The following SLC7A7 variants were observed in gnomAD, a reference collection of about 807,000 sequenced individuals.
SLC7A7 encodes the protein Y+L amino acid transporter 1.
In SLC7A7, 39 loss-of-function variants were observed where a neutral mutation model predicts 47.9. The ratio of observed to expected loss-of-function variants is 0.81; its 90% CI spans 0.63 to 1.06. The LOEUF is 1.06. Among genes scored for constraint, SLC7A7 ranks in the 50% least tolerant of loss-of-function variants. The probability of loss-of-function intolerance (pLI) is 0.00; values close to 1 mark genes in which losing one functional copy is unlikely to be tolerated. For synonymous variants in SLC7A7, 234 were observed against 242.8 expected (o/e 0.96, Z 0.34); for missense variants, 588 against 632.0 (o/e 0.93, Z 0.75).
At chr14:22,812,244 G>A (rs985652924) in intron 2 of SLC7A7, among the ~76,000 whole-genome samples, 17 of 151,752 alleles carry the variant, frequency 1.1e-4, no homozygotes, top group African/African-American at 3.1e-4. Flanking sequence ...TTGGCTCACC[G>A]CAACCTCTGC....
intron 2 of SLC7A7, among the ~76,000 whole-genome samples, chr14:22,783,489 C>T (rs1054661021): frequency 6.6e-6 from 1 of 151,938 alleles, no homozygotes; most frequent in Non-Finnish European, 1.5e-5. Context: ...CAACCTCCGC[C>T]TCCTGGGTTC....
At chr14:22,773,838 G>A in intron 9 of SLC7A7, 95 bp downstream of exon 9, 2 of 1,567,642 alleles carry the variant, frequency 1.3e-6, no homozygotes, top group Non-Finnish European at 1.8e-6. Flanking sequence ...ATAAGAAGGG[G>A]CTAAGGCAAA....
At chr14:22,814,216 G>A (rs1458798909) in intron 1 of SLC7A7, among the ~76,000 whole-genome samples, 2 of 151,490 alleles carry the variant, frequency 1.3e-5, no homozygotes, top group Non-Finnish European at 2.9e-5. Context: ...GGGCGCTGTG[G>A]CTCACATCTG....
chr14:22,777,157 A>AG (rs2038627500), intron 4 of SLC7A7, among the ~76,000 whole-genome samples: 1 of 151,282 alleles, frequency 6.6e-6, no homozygotes, highest in East Asian at 1.9e-4. Flanking sequence ...AAAAAAAAAA[A>AG]AAAAAAAAAG....
In SLC7A7 at chr14:22,813,219, C is replaced by T. The variant is rs1174286291; in HGVS notation, c.180G>A (p.Lys60=). ...MIGSGIFVSP[K]GVLIYSASFG... The stretch of plus-strand genomic sequence containing the variant: ...AGGAGGCACTGTATATGAGCACACC[C>T]TTGGGGGAAACAAAGATGCCCGAGC... Residue 60 remains lysine (K), a synonymous_variant, in exon 2 of 10, where the codon AAG becomes AAA. Coordinates refer to ENST00000674313, the MANE Select transcript of SLC7A7 (RefSeq NM_003982.4). 1 of 1,613,996 alleles carries T rather than the reference C, an allele frequency of 6.2e-7. No homozygotes were observed. Among genetic ancestry groups the T allele is most frequent in the Admixed American group, 1.7e-5 (1 of 60,002 alleles).
Position 22,812,999 on chromosome 14 carries a change from T to C in SLC7A7, c.400A>G (p.Ile134Val), listed in dbSNP as rs753285851. ...TAGTTGGCAAAGGTGATGGCAATGATGGCCTGGCTGGTGGGCTCAATGATG... is the reference window on the plus strand; with the variant it reads ...TAGTTGGCAAAGGTGATGGCAATGACGGCCTGGCTGGTGGGCTCAATGATG... ...LLIIEPTSQA[I>V]IAITFANYMV... The change falls in exon 2 of 10, where the codon ATC becomes GTC. Residue 134 changes from isoleucine to valine, a missense_variant. Transcript: ENST00000674313. The C allele has an allele frequency of 3.0e-5, 49 of 1,613,980 alleles. No individual in the cohort carries two copies. The highest frequency in any genetic ancestry group is 3.0e-5 in the Non-Finnish European group (35 of 1,179,994).
Position 22,773,651 on chromosome 14 carries a change from C to T in SLC7A7, c.1495G>A (p.Gly499Arg). 1 of 1,614,156 alleles carries T rather than the reference C, an allele frequency of 6.2e-7. No individual in the cohort carries two copies. The highest frequency in any genetic ancestry group is 8.5e-7 in the Non-Finnish European group (1 of 1,180,042). ...SVAAEMDLEDGGEMPKQRDPK... is the reference protein window; with the variant it reads ...SVAAEMDLEDRGEMPKQRDPK... The stretch of plus-strand genomic sequence containing the variant: ...TCCCGTTGCTTGGGCATCTCTCCTC[C>T]ATCTTCCAAATCCATTTCTGCAGCA... Residue 499 changes from glycine to arginine, a missense_variant, in exon 10 of 10, where the codon GGA (glycine) becomes AGA (arginine). Gly to Arg is a moderately radical substitution (Grantham distance 125). Coordinates refer to ENST00000674313, the MANE Select transcript of SLC7A7 (RefSeq NM_003982.4).
chr14:22,803,648 A>G (rs1051872835), intron 2 of SLC7A7, among the ~76,000 whole-genome samples: 1 of 152,208 alleles, frequency 6.6e-6, no homozygotes, highest in Admixed American at 6.5e-5. Flanking sequence ...GCTGGAGCAG[A>G]CAAAGTGAGG....
chr14:22,815,473 G>T (rs2039392913), upstream of SLC7A7: 1 of 454,414 alleles, frequency 2.2e-6, no homozygotes, highest in African/African-American at 2.0e-5. Context: ...AGCAAGAAGG[G>T]TGGAGGAGGT....
chr14:22,788,881 G>A (rs190237460), intron 2 of SLC7A7, among the ~76,000 whole-genome samples: 47 of 152,180 alleles, frequency 3.1e-4, no homozygotes, highest in African/African-American at 1.0e-3. Flanking sequence ...CCCTTTGTGT[G>A]GGGTGGAGAG....
chr14:22,806,230 C>G (rs1225987830), intron 2 of SLC7A7, among the ~76,000 whole-genome samples: 3 of 102,088 alleles, frequency 2.9e-5, no homozygotes, highest in Admixed American at 1.5e-4. Context: ...GAGTCTTGCT[C>G]TGTCGCCCAG....
chr14:22,794,627 G>A (rs2038980166), intron 2 of SLC7A7, among the ~76,000 whole-genome samples: 1 of 152,136 alleles, frequency 6.6e-6, no homozygotes, highest in Non-Finnish European at 1.5e-5. Context: ...CAGTTTCGCA[G>A]GCTAATCTGA....
chr14:22,814,441 G>A (rs772402932), intron 1 of SLC7A7, among the ~76,000 whole-genome samples: 7 of 151,556 alleles, frequency 4.6e-5, no homozygotes, highest in African/African-American at 7.3e-5. Context: ...CTAAGACTGG[G>A]CCATTGCACT....
chr14:22,813,217 C>A lies in SLC7A7; in HGVS notation c.182G>T (p.Gly61Val). The stretch of plus-strand genomic sequence containing the variant: ...AAAGGAGGCACTGTATATGAGCACA[C>A]CCTTGGGGGAAACAAAGATGCCCGA... The part of the protein sequence containing the change: ...IGSGIFVSPK[G>V]VLIYSASFGL... Residue 61 changes from glycine (G) to valine (V), a missense_variant, in exon 2 of 10, where the codon GGT (glycine) becomes GTT (valine). Physicochemically the swap from Gly to Val is moderately radical, Grantham distance 109. Transcript: ENST00000674313. 6.2e-7 allele frequency: 1 copy of A among 1,613,990 alleles called. No individual in the cohort carries two copies. The highest frequency in any genetic ancestry group is 8.5e-7 in the Non-Finnish European group (1 of 1,179,904).
At chr14:22,818,547 G>T (rs2039435598), upstream of SLC7A7, among the ~76,000 whole-genome samples, 1 of 149,972 alleles carries the variant, frequency 6.7e-6, no homozygotes. Context: ...ACACCCCTAG[G>T]CTCTCCCAAA....
intron 2 of SLC7A7, among the ~76,000 whole-genome samples, chr14:22,784,687 C>A (rs2038782889): frequency 6.6e-6 from 1 of 151,994 alleles, no homozygotes; most frequent in Non-Finnish European, 1.5e-5. Context: ...TCAAACCCAG[C>A]CTACATACGG....
At chr14:22,775,112 GATGTA>G (rs1330730248) in intron 7 of SLC7A7, among the ~76,000 whole-genome samples, 1 of 136,920 alleles carries the variant, frequency 7.3e-6, no homozygotes, top group East Asian at 2.2e-4. Flanking sequence ...CACACTTCTA[GATGTA>G]ATTCTTCACC....
intron 2 of SLC7A7, among the ~76,000 whole-genome samples, chr14:22,784,723 A>G (rs1278859048): frequency 6.6e-6 from 1 of 152,186 alleles, no homozygotes; most frequent in African/African-American, 2.4e-5. Flanking sequence ...GACTAGTTCT[A>G]GTGGTAAGGC....
At chr14:22,790,584 G>A (rs2038906800) in intron 2 of SLC7A7, among the ~76,000 whole-genome samples, 1 of 152,110 alleles carries the variant, frequency 6.6e-6, no homozygotes, top group African/African-American at 2.4e-5. Flanking sequence ...TCTCTTTAAT[G>A]TACTACATGA....
Sources: allele counts gnomAD v4.1 joint callset (sites outside exome capture counted in the v4.1 genomes callset), GRCh38; gene constraint gnomAD v4.1.1; transcripts MANE v1.5; gene names NCBI Gene and HGNC (gene_info 2026-07-23, HGNC 2026-07-21).